The following ARL15 variants were observed in gnomAD, a reference collection of about 807,000 sequenced individuals.
The protein encoded by ARL15 is ADP-ribosylation factor-like protein 15.
Under a neutral mutation model 25.2 loss-of-function variants are expected in ARL15, and 19 were observed. The ratio of observed to expected loss-of-function variants is 0.75; its 90% CI spans 0.53 to 1.10. The LOEUF is 1.10. Among genes scored for constraint, ARL15 ranks in the 50% least tolerant of loss-of-function variants. The pLI is 0.00. For missense variants in ARL15, 220 were observed against 246.0 expected (o/e 0.89, Z 0.71); for synonymous variants, 94 against 86.8 (o/e 1.08, Z -0.46).
chr5:54,287,323 A>T (rs1758208928), intron 1 of ARL15, among the ~76,000 whole-genome samples: 1 of 152,072 alleles, frequency 6.6e-6, no homozygotes, highest in South Asian at 2.1e-4. Context: ...TGCAATGTAA[A>T]TGTGTTCAGC....
chr5:54,135,232 CA>C (rs1345653111), intron 3 of ARL15, among the ~76,000 whole-genome samples: 11 of 151,990 alleles, frequency 7.2e-5, no homozygotes, highest in Admixed American at 7.2e-4. Context: ...ACAGCTTATC[CA>C]ACATGGGCCA....
intron 4 of ARL15, among the ~76,000 whole-genome samples, chr5:54,103,408 A>G (rs1164962027): frequency 6.6e-6 from 1 of 152,178 alleles, no homozygotes; most frequent in African/African-American, 2.4e-5. Flanking sequence ...CAAAACTACT[A>G]GATAACCTTT....
chr5:54,127,913 T>C (rs960368800), intron 3 of ARL15, among the ~76,000 whole-genome samples: 10 of 152,000 alleles, frequency 6.6e-5, no homozygotes, highest in African/African-American at 2.4e-4. Flanking sequence ...AAACAAGCAA[T>C]GGGGAAAGGA....
intron 4 of ARL15, among the ~76,000 whole-genome samples, chr5:54,082,082 A>G (rs1751815697): frequency 7.0e-6 from 1 of 142,222 alleles, no homozygotes; most frequent in African/African-American, 2.5e-5. Context: ...CAAAAAAAAA[A>G]GAAAGGAAGG....
chr5:54,310,373 G>T (rs1414640628), intron 1 of ARL15, 59 bp downstream of exon 1: 4 of 1,561,804 alleles, frequency 2.6e-6, no homozygotes, highest in Non-Finnish European at 3.5e-6. Flanking sequence ...CTCAAGGCAG[G>T]GGGCCATCGG....
rs568554153 is a variant in ARL15 at position 53,930,437 on chromosome 5, C to T, written c.463-43724G>A. ...GGGTCACTTGAAAGAGAGAAAATTT[C>T]CCATCCATGGATAAACCTTCCTGCA... On this transcript the variant is annotated intron_variant, in intron 4 of 4. Coordinates refer to ENST00000504924, the MANE Select transcript of ARL15 (RefSeq NM_019087.3). Among the ~76,000 whole-genome samples the T allele has an allele frequency of 2.1e-4, 32 of 152,272 alleles. 2 individuals carry two copies. The highest frequency in any genetic ancestry group is 1.8e-3 in the Admixed American group (28 of 15,296).
chr5:54,016,074 T>G (rs1318945721), intron 4 of ARL15, among the ~76,000 whole-genome samples: 1 of 152,140 alleles, frequency 6.6e-6, no homozygotes, highest in African/African-American at 2.4e-5. Flanking sequence ...CATCTGACCT[T>G]TCCCTTGTCT....
intron 4 of ARL15, among the ~76,000 whole-genome samples, chr5:53,943,369 C>T (rs888835929): frequency 4.6e-5 from 7 of 152,000 alleles, no homozygotes; most frequent in Non-Finnish European, 1.0e-4. Context: ...GTGAGGTCAT[C>T]CACTGAGAAG....
chr5:54,152,925 T>A (rs955043554), intron 3 of ARL15, among the ~76,000 whole-genome samples: 1 of 152,242 alleles, frequency 6.6e-6, no homozygotes, highest in South Asian at 2.1e-4. Flanking sequence ...ACCTTACGAA[T>A]TCCTTGGTGT....
Position 54,207,988 on chromosome 5 carries a change from A to G in ARL15, c.49-36060T>C, listed in dbSNP as rs1186155750. The stretch of plus-strand genomic sequence containing the variant: ...AGTATTGTACAGAAAAGGAGAATTA[A>G]GTAAAACTTTAGCATAGTGAATATT... On this transcript the variant is annotated intron_variant, in intron 1 of 4. Coordinates refer to ENST00000504924, the MANE Select transcript of ARL15 (RefSeq NM_019087.3). 2.0e-5 allele frequency among the ~76,000 whole-genome samples: 3 copies of G among 152,210 alleles called. 1 individual carries two copies. The highest frequency in any genetic ancestry group is 7.2e-5 in the African/African-American group (3 of 41,454).
chr5:54,103,230 T>C (rs1752491936), intron 4 of ARL15, among the ~76,000 whole-genome samples: 1 of 152,148 alleles, frequency 6.6e-6, no homozygotes, highest in South Asian at 2.1e-4. Context: ...CTAAAGAAAG[T>C]AATTACCACT....
rs945075867 is a variant in ARL15, at chr5:54,276,886, G to T, written c.48+33546C>A. Among the ~76,000 whole-genome samples the T allele has an allele frequency of 8.5e-5, 13 of 152,184 alleles. No individual in the cohort carries two copies. The South Asian group carries it at 2.7e-3, about 31-fold the overall frequency. Reference sequence around the variant, plus strand: ...CTAGAAGCACAAAGGGGCAAAAAATGGATTCCTACCCAGAACGTCCAGAAA... The same window carrying T: ...CTAGAAGCACAAAGGGGCAAAAAATTGATTCCTACCCAGAACGTCCAGAAA... On this transcript the variant is annotated intron_variant, in intron 1 of 4. Coordinates refer to ENST00000504924, the MANE Select transcript of ARL15 (RefSeq NM_019087.3).
intron 1 of ARL15, among the ~76,000 whole-genome samples, chr5:54,173,037 G>T (rs1042127774): frequency 1.3e-5 from 2 of 152,024 alleles, no homozygotes; most frequent in African/African-American, 4.8e-5. Flanking sequence ...AAAGAAATTA[G>T]CCAGGCATGG....
chr5:54,117,673 C>CTTGTTTGAG (rs2112232876), intron 3 of ARL15, among the ~76,000 whole-genome samples: 1 of 152,214 alleles, frequency 6.6e-6, no homozygotes, highest in East Asian at 1.9e-4. Context: ...ACAATAAGCA[C>CTTGTTTGAG]TTGTACAACT....
intron 1 of ARL15, among the ~76,000 whole-genome samples, chr5:54,190,472 C>T (rs1028470671): frequency 1.8e-4 from 28 of 151,950 alleles, no homozygotes; most frequent in Non-Finnish European, 3.2e-4. Flanking sequence ...CAACAAAATA[C>T]GTAATTTACA....
chr5:54,157,820 T>A (rs773567579), intron 2 of ARL15, among the ~76,000 whole-genome samples: 27 of 152,216 alleles, frequency 1.8e-4, no homozygotes, highest in Admixed American at 1.3e-4. Flanking sequence ...GTATACACAG[T>A]CATCCATGTT....
chr5:53,898,090 T>G (rs1744931936), intron 4 of ARL15, among the ~76,000 whole-genome samples: 2 of 152,178 alleles, frequency 1.3e-5, no homozygotes, highest in Admixed American at 1.3e-4. Context: ...TTCTTCACTG[T>G]CTTCATGTTG....
At chr5:54,204,385 T>C (rs549968179) in intron 1 of ARL15, among the ~76,000 whole-genome samples, 7 of 152,316 alleles carry the variant, frequency 4.6e-5, no homozygotes, top group African/African-American at 1.4e-4. Flanking sequence ...GACTTTGACT[T>C]TTCCTTCCCT....
chr5:54,031,517 T>C (rs1196347012), intron 4 of ARL15, among the ~76,000 whole-genome samples: 1 of 152,204 alleles, frequency 6.6e-6, no homozygotes, highest in Non-Finnish European at 1.5e-5. Context: ...TTTGCCCAGC[T>C]GTAGAGGCAC....
Sources: allele counts gnomAD v4.1 joint callset (sites outside exome capture counted in the v4.1 genomes callset), GRCh38; gene constraint gnomAD v4.1.1; transcripts MANE v1.5; gene names NCBI Gene and HGNC (gene_info 2026-07-23, HGNC 2026-07-21).